The following RBFOX1 variants were observed in gnomAD, a reference collection of about 807,000 sequenced individuals.
The protein encoded by RBFOX1 is RNA binding fox-1 homolog 1.
RBFOX1 carries 8 observed loss-of-function variants against 57.7 expected under a neutral mutation model. The ratio of observed to expected loss-of-function variants is 0.14; its 90% confidence interval spans 0.08 to 0.25. The LOEUF (loss-of-function observed/expected upper bound fraction) is 0.25. RBFOX1 is among the 10% of genes least tolerant of loss of function. The pLI is 1.00. For missense variants in RBFOX1, 611 were observed against 548.5 expected (o/e 1.11, Z -1.14); for synonymous variants, 326 against 222.4 (o/e 1.47, Z -4.15).
chr16:7,198,703 A>G (rs2087450579), intron 4 of RBFOX1, among the ~76,000 whole-genome samples: 2 of 152,190 alleles, frequency 1.3e-5, no homozygotes, highest in Admixed American at 1.3e-4. Flanking sequence ...CACTCACATG[A>G]TAACTAACTC....
At chr16:6,564,030 C>T (rs182045834) in intron 2 of RBFOX1, among the ~76,000 whole-genome samples, 2 of 152,116 alleles carry the variant, frequency 1.3e-5, no homozygotes, top group African/African-American at 4.8e-5. Flanking sequence ...CTGCTTCTTC[C>T]CAGCAAGCTA....
intron 1 of RBFOX1, among the ~76,000 whole-genome samples, chr16:5,269,889 T>G (rs1170011780): frequency 6.6e-6 from 1 of 152,200 alleles, no homozygotes; most frequent in East Asian, 1.9e-4. Context: ...GCATGGTGGC[T>G]CACACCTGAA....
chr16:7,093,774 T>G (rs1002238607), intron 4 of RBFOX1, among the ~76,000 whole-genome samples: 3 of 152,108 alleles, frequency 2.0e-5, no homozygotes, highest in Non-Finnish European at 4.4e-5. Context: ...GATCAGTACT[T>G]TTTTGTGTTT....
At chr16:7,071,141 G>A (rs985209915) in intron 4 of RBFOX1, among the ~76,000 whole-genome samples, 1 of 152,050 alleles carries the variant, frequency 6.6e-6, no homozygotes. Context: ...GGAGCTTCTC[G>A]GCTGCTACCC....
intron 3 of RBFOX1, among the ~76,000 whole-genome samples, chr16:5,715,164 G>C (rs942177681): frequency 3.3e-5 from 5 of 152,132 alleles, no homozygotes; most frequent in African/African-American, 7.2e-5. Flanking sequence ...CTAACCATTA[G>C]ATTATTGTTA....
chr16:5,984,069 C>CCTT (rs1195368674), intron 4 of RBFOX1, among the ~76,000 whole-genome samples: 1 of 48,594 alleles, frequency 2.1e-5, no homozygotes, highest in African/African-American at 1.0e-4. Context: ...CCTTCTCCCT[C>CCTT]CCACTCCCCC....
intron 4 of RBFOX1, among the ~76,000 whole-genome samples, chr16:7,101,495 G>T (rs1040090039): frequency 5.9e-5 from 9 of 152,162 alleles, no homozygotes; most frequent in Admixed American, 5.2e-4. Context: ...CTGAGATTCA[G>T]AAAGAGACCG....
At chr16:7,246,770 A>C (rs533143214) in intron 4 of RBFOX1, among the ~76,000 whole-genome samples, 13 of 151,752 alleles carry the variant, frequency 8.6e-5, no homozygotes, top group African/African-American at 2.4e-4. Flanking sequence ...CCTACGTAGC[A>C]CATCCAGAGG....
chr16:6,882,797 G>A (rs537163511), intron 3 of RBFOX1, among the ~76,000 whole-genome samples: 1 of 151,834 alleles, frequency 6.6e-6, no homozygotes, highest in African/African-American at 2.4e-5. Context: ...TGGCATTCCT[G>A]GGGGGTATCA....
In RBFOX1 at chr16:6,253,212, A is replaced by G. The variant is rs947275125; in HGVS notation, c.-126-63783A>G. Among the ~76,000 whole-genome samples the G allele has an allele frequency of 2.6e-5, 4 of 152,276 alleles. No individual in the cohort carries two copies. In the East Asian group the frequency reaches 7.7e-4, roughly 29 times the overall value. On this transcript the variant is annotated intron_variant, in intron 1 of 15. Coordinates refer to ENST00000550418, the MANE Select transcript of RBFOX1 (RefSeq NM_018723.4). ...CTATTTCTCCTAGAGGAAGTTCAACATGAGGGATTTCGACAAAAAGGTTGT... is the reference window on the plus strand; with the variant it reads ...CTATTTCTCCTAGAGGAAGTTCAACGTGAGGGATTTCGACAAAAAGGTTGT...
chr16:6,623,757 C>G (rs918472936), intron 2 of RBFOX1, among the ~76,000 whole-genome samples: 1 of 152,064 alleles, frequency 6.6e-6, no homozygotes, highest in Non-Finnish European at 1.5e-5. Flanking sequence ...ATCCATGTCC[C>G]TACAAAGGAT....
At chr16:6,037,596 T>C (rs933356996) in intron 1 of RBFOX1, 2 of 152,028 alleles carry the variant, frequency 1.3e-5, no homozygotes, top group African/African-American at 4.8e-5. Flanking sequence ...TTTGTTTTGT[T>C]TTATTTTTTG....
intron 14 of RBFOX1, among the ~76,000 whole-genome samples, chr16:7,706,585 A>G (rs1172301208): frequency 2.6e-5 from 4 of 152,232 alleles, no homozygotes; most frequent in African/African-American, 9.6e-5. Flanking sequence ...TTTTTAAAAT[A>G]ATATATCTGA....
chr16:6,536,199 A>T (rs1599156988), intron 2 of RBFOX1, among the ~76,000 whole-genome samples: 1 of 152,210 alleles, frequency 6.6e-6, no homozygotes, highest in Non-Finnish European at 1.5e-5. Context: ...AATGCAACCC[A>T]AAAATCTTGA....
intron 14 of RBFOX1, among the ~76,000 whole-genome samples, chr16:7,700,332 G>C (rs1473560848): frequency 6.6e-6 from 1 of 152,064 alleles, no homozygotes; most frequent in African/African-American, 2.4e-5. Context: ...GTACGATGAG[G>C]ATGCACCATT....
intron 3 of RBFOX1, among the ~76,000 whole-genome samples, chr16:5,642,048 C>G (rs893861087): frequency 6.6e-6 from 1 of 152,090 alleles, no homozygotes; most frequent in Non-Finnish European, 1.5e-5. Flanking sequence ...CTTTGAGGAG[C>G]AAGACTGGGA....
intron 1 of RBFOX1, among the ~76,000 whole-genome samples, chr16:5,253,984 G>T (rs901205684): frequency 7.6e-6 from 1 of 132,020 alleles, no homozygotes; most frequent in Non-Finnish European, 1.7e-5. Flanking sequence ...CCTCTCTGTG[G>T]TAGACACTAG....
At chr16:7,193,714 A>G (rs1038014448) in intron 4 of RBFOX1, among the ~76,000 whole-genome samples, 1 of 152,226 alleles carries the variant, frequency 6.6e-6, no homozygotes, top group Non-Finnish European at 1.5e-5. Flanking sequence ...ATGCTTAGTC[A>G]GAAATACAGA....
chr16:5,955,848 C>G (rs2059628192), intron 4 of RBFOX1, among the ~76,000 whole-genome samples: 1 of 152,176 alleles, frequency 6.6e-6, no homozygotes, highest in Non-Finnish European at 1.5e-5. Context: ...AATGTAGTTA[C>G]CAGCGGAATG....
Sources: gnomAD v4.1 joint callset for allele counts (sites outside exome capture counted in the v4.1 genomes callset) on GRCh38, gnomAD v4.1.1 for gene constraint, MANE v1.5 for transcripts, NCBI Gene and HGNC (gene_info 2026-07-23, HGNC 2026-07-21) for gene names.